RNLS: variants seen among roughly 807,000 people sequenced by gnomAD.
RNLS encodes the protein renalase, FAD dependent amine oxidase.
RNLS carries 39 observed loss-of-function variants against 39.8 expected under a neutral mutation model. That is an observed-to-expected ratio of 0.98 (90% CI 0.76 to 1.28). RNLS has a LOEUF of 1.28. RNLS is among the 50% of genes most tolerant of loss of function. RNLS has a pLI of 0.00. For missense variants in RNLS, 410 were observed against 413.3 expected, an observed-to-expected ratio of 0.99 and a Z score of 0.07; for synonymous variants, 147 against 150.7, an observed-to-expected ratio of 0.98 and a Z score of 0.18.
At chr10:88,333,583 A>T (rs1017183760) in intron 5 of RNLS, among the ~76,000 whole-genome samples, 1 of 152,176 alleles carries the variant, frequency 6.6e-6, no homozygotes, top group Non-Finnish European at 1.5e-5. Context: ...ATTTAATAAC[A>T]TGAATTGCCA....
At chr10:88,323,708 A>G (rs952452733) in intron 5 of RNLS, among the ~76,000 whole-genome samples, 6 of 152,162 alleles carry the variant, frequency 3.9e-5, no homozygotes, top group Non-Finnish European at 5.9e-5. Context: ...AGAATATATG[A>G]CTAAGACCTC....
At chr10:88,543,879 G>A (rs902418013) in intron 4 of RNLS, among the ~76,000 whole-genome samples, 6 of 152,096 alleles carry the variant, frequency 3.9e-5, no homozygotes, top group Admixed American at 3.9e-4. Context: ...TAAGGGTTTT[G>A]GATAGAATTG....
At chr10:88,476,200 T>C (rs192988584) in intron 4 of RNLS, among the ~76,000 whole-genome samples, 1 of 152,202 alleles carries the variant, frequency 6.6e-6, no homozygotes, top group South Asian at 2.1e-4. Flanking sequence ...ATTAATATGT[T>C]GAAGAAACAG....
the RNLS span, among the ~76,000 whole-genome samples, chr10:88,228,183 A>G: frequency 1.3e-5 from 2 of 152,186 alleles, no homozygotes; most frequent in Admixed American, 6.5e-5. Flanking sequence ...AACAAAAACA[A>G]AACTCTTTTC....
chr10:88,570,446 T>G (rs1849757764), intron 4 of RNLS, among the ~76,000 whole-genome samples: 1 of 152,218 alleles, frequency 6.6e-6, no homozygotes, highest in Non-Finnish European at 1.5e-5. Flanking sequence ...AGTTGGTCAG[T>G]TGGTCATTCA....
At chr10:88,265,689 G>A in the RNLS span, among the ~76,000 whole-genome samples, 19 of 152,242 alleles carry the variant, frequency 1.2e-4, no homozygotes, top group South Asian at 3.9e-3. Context: ...ACTGATTTGT[G>A]TACATTAATT....
intron 5 of RNLS, among the ~76,000 whole-genome samples, chr10:88,316,814 AT>A (rs552373862): frequency 4.2e-4 from 64 of 152,316 alleles, no homozygotes; most frequent in Non-Finnish European, 8.8e-4. Context: ...TTGTACATTT[AT>A]TTTGAAAATT....
At chr10:88,313,794 AC>A (rs1347226837) in intron 6 of RNLS, among the ~76,000 whole-genome samples, 19 of 152,176 alleles carry the variant, frequency 1.2e-4, no homozygotes, top group Non-Finnish European at 1.8e-4. Context: ...TGACTTCACT[AC>A]TGAGTTTACG....
intron 4 of RNLS, among the ~76,000 whole-genome samples, chr10:88,405,237 T>G (rs1324991580): frequency 6.6e-6 from 1 of 152,072 alleles, no homozygotes. Context: ...GATACAATTC[T>G]GGCAGATACA....
At chr10:88,479,364 T>C (rs1219340566) in intron 4 of RNLS, among the ~76,000 whole-genome samples, 1 of 152,206 alleles carries the variant, frequency 6.6e-6, no homozygotes, top group Non-Finnish European at 1.5e-5. Context: ...TGTTTCCACC[T>C]GAAGCAGTAA....
the RNLS span, among the ~76,000 whole-genome samples, chr10:88,186,721 T>G: frequency 2.0e-5 from 3 of 152,050 alleles, no homozygotes; most frequent in Non-Finnish European, 4.4e-5. Flanking sequence ...AAATATTATA[T>G]GGAGATTTCT....
exon 7 of RNLS, chr10:88,274,443 T>A (rs1233798717): frequency 6.5e-6 from 1 of 153,056 alleles, no homozygotes; most frequent in Non-Finnish European, 1.5e-5. Flanking sequence ...TAGAATTATG[T>A]AATATTATTT....
chr10:88,325,470 T>C lies in RNLS; in HGVS notation c.701-10829A>G, dbSNP rs576165824. ...CAGCATTATAATCATCAGCTGCTAA[T>C]AGAGCACTAAGATTTAGAAGGCTCA... On this transcript the variant is annotated intron_variant, in intron 5 of 6. Transcript: ENST00000331772. Among the ~76,000 whole-genome samples the C allele has an allele frequency of 3.3e-4, 51 of 152,304 alleles. 1 individual carries two copies. Among genetic ancestry groups the C allele is most frequent in the African/African-American group, 8.7e-4 (36 of 41,570 alleles).
At chr10:88,446,130 C>T (rs1196817599) in intron 4 of RNLS, among the ~76,000 whole-genome samples, 2 of 152,156 alleles carry the variant, frequency 1.3e-5, no homozygotes, top group African/African-American at 2.4e-5. Flanking sequence ...GACCACAGTG[C>T]AATCAAACTA....
At chr10:88,226,220 C>T in the RNLS span, among the ~76,000 whole-genome samples, 10 of 152,200 alleles carry the variant, frequency 6.6e-5, no homozygotes, top group Non-Finnish European at 1.3e-4. Context: ...TCAAAATGGA[C>T]ATTTTTAGCC....
intron 6 of RNLS, among the ~76,000 whole-genome samples, chr10:88,289,573 T>G (rs944703118): frequency 2.0e-5 from 3 of 152,168 alleles, no homozygotes; most frequent in African/African-American, 7.2e-5. Context: ...TATTTTGCAC[T>G]GTAATGATGT....
chr10:88,569,252 T>C (rs1160952802), intron 4 of RNLS, among the ~76,000 whole-genome samples: 1 of 152,142 alleles, frequency 6.6e-6, no homozygotes, highest in Non-Finnish European at 1.5e-5. Context: ...GAAAAGGAAC[T>C]GAAACAGATG....
In RNLS at chr10:88,523,564, T is replaced by C. The variant is rs541825360; in HGVS notation, c.526+49339A>G. Among the ~76,000 whole-genome samples the C allele has an allele frequency of 3.5e-4, 53 of 152,298 alleles. 1 individual carries two copies. Among genetic ancestry groups the C allele is most frequent in the Middle Eastern group, 3.4e-3 (1 of 294 alleles). Reference sequence around the variant, plus strand: ...GCTCAGAAACATTTGGCTACAGTCCTTTCTAATCTTTGAGTCAGAAATTAC... The same window carrying C: ...GCTCAGAAACATTTGGCTACAGTCCCTTCTAATCTTTGAGTCAGAAATTAC... On this transcript the variant is annotated intron_variant, in intron 4 of 6. Transcript: ENST00000331772.
intron 4 of RNLS, among the ~76,000 whole-genome samples, chr10:88,396,871 C>T (rs1336393561): frequency 6.6e-6 from 1 of 151,644 alleles, no homozygotes; most frequent in African/African-American, 2.4e-5. Context: ...AAGAAAAAAT[C>T]CCTTACTAGA....
Sources: allele counts gnomAD v4.1 joint callset (sites outside exome capture counted in the v4.1 genomes callset), GRCh38; gene constraint gnomAD v4.1.1; transcripts MANE v1.5; gene names NCBI Gene and HGNC (gene_info 2026-07-23, HGNC 2026-07-21).